Variants in TRIO observed in about 807,000 individuals in gnomAD.
TRIO encodes trio Rho guanine nucleotide exchange factor.
In TRIO, 58 loss-of-function variants were observed where a neutral mutation model predicts 351.9. The observed-to-expected ratio is 0.16, with a 90% CI of 0.13 to 0.21. The LOEUF (loss-of-function observed/expected upper bound fraction) is 0.21, where lower values mean the gene tolerates loss of function less well. Ranked by LOEUF, TRIO falls within the 10% of genes least tolerant of loss-of-function variation. The probability of loss-of-function intolerance (pLI) is 1.00; values close to 1 mark genes in which losing one functional copy is unlikely to be tolerated. For missense variants in TRIO, 3,201 were observed against 4,027.8 expected, an observed-to-expected ratio of 0.79 and a Z score of 5.56; for synonymous variants, 1,758 against 1,595.7, an observed-to-expected ratio of 1.10 and a Z score of -2.42.
At chr5:14,296,978 G>A in intron 6 of TRIO, 94 bp from the exon 7 acceptor site, 1 of 1,030,564 alleles carries the variant, frequency 9.7e-7, no homozygotes, top group Non-Finnish European at 1.4e-6. Context: ...ACTGTTAGAA[G>A]CCTGTGTTTC....
At chr5:14,453,066 CCTTT>C (rs1263635148) in intron 34 of TRIO, among the ~76,000 whole-genome samples, 1 of 152,002 alleles carries the variant, frequency 6.6e-6, no homozygotes, top group African/African-American at 2.4e-5. Context: ...TCTTTCTTTA[CCTTT>C]TTTTTCTTTT....
chr5:14,268,766 GTGTT>G (rs1459735638), intron 1 of TRIO, among the ~76,000 whole-genome samples: 2 of 152,170 alleles, frequency 1.3e-5, no homozygotes, highest in African/African-American at 4.8e-5. Flanking sequence ...TGTTTTATAG[GTGTT>G]TGTCAGCTTG....
chr5:14,197,864 A>G (rs1289590461), intron 1 of TRIO, among the ~76,000 whole-genome samples: 2 of 152,208 alleles, frequency 1.3e-5, no homozygotes, highest in Non-Finnish European at 2.9e-5. Flanking sequence ...AATCTCTTAT[A>G]CTGGACTGCA....
intron 30 of TRIO, among the ~76,000 whole-genome samples, chr5:14,399,923 C>T (rs1302584278): frequency 6.6e-6 from 1 of 152,182 alleles, no homozygotes; most frequent in Non-Finnish European, 1.5e-5. Flanking sequence ...TTCTTTACAG[C>T]AGATCTCTTA....
At chr5:14,387,077 C>T (rs1362483541) in intron 21 of TRIO, among the ~76,000 whole-genome samples, 1 of 152,258 alleles carries the variant, frequency 6.6e-6, no homozygotes, top group Non-Finnish European at 1.5e-5. Flanking sequence ...GCTGTCTTTG[C>T]TCAGCGGCTT....
At chr5:14,464,460 A>G (rs1431214084) in intron 36 of TRIO, among the ~76,000 whole-genome samples, 1 of 152,112 alleles carries the variant, frequency 6.6e-6, no homozygotes, top group East Asian at 1.9e-4. Flanking sequence ...TCTCGTGACT[A>G]ATTTTTTGTT....
At chr5:14,216,319 C>A (rs1792220748) in intron 1 of TRIO, among the ~76,000 whole-genome samples, 1 of 152,184 alleles carries the variant, frequency 6.6e-6, no homozygotes, top group Non-Finnish European at 1.5e-5. Flanking sequence ...TTGAATTTGT[C>A]TCAGAGCCAG....
chr5:14,203,956 C>T (rs1174657507), intron 1 of TRIO, among the ~76,000 whole-genome samples: 1 of 152,198 alleles, frequency 6.6e-6, no homozygotes, highest in African/African-American at 2.4e-5. Context: ...CGTTACGTTG[C>T]ACCTCAGAAG....
chr5:14,399,386 A>G, intron 30 of TRIO: 1 of 403,478 alleles, frequency 2.5e-6, no homozygotes. Flanking sequence ...TATAAATAAA[A>G]TAATCATATC....
At position 14,291,064 on chromosome 5, in the gene TRIO, T is replaced by A. The variant is rs2152285081; in HGVS notation, c.889T>A (p.Ser297Thr). The A allele has an allele frequency of 6.2e-7, 1 of 1,614,194 alleles. No individual in the cohort carries two copies. The highest frequency in any genetic ancestry group is 1.1e-5 in the South Asian group (1 of 91,082). The change falls in exon 5 of 57, where the codon TCA becomes ACA. Residue 297 changes from serine to threonine, a missense_variant. By Grantham distance (58) the Ser-to-Thr change is moderately conservative. This residue lies in a region of TRIO where 349 missense variants were observed against 449.3 expected (regional missense o/e 0.78). Coordinates refer to ENST00000344204, the MANE Select transcript of TRIO (RefSeq NM_007118.4). ...QSSESFPKKNSGSGNADLQNL... is the reference protein window; with the variant it reads ...QSSESFPKKNTGSGNADLQNL... ...CAGTGAAAGCTTTCCCAAAAAGAACTCAGGCTCAGGCAATGCGGACCTGCA... is the reference window on the plus strand; with the variant it reads ...CAGTGAAAGCTTTCCCAAAAAGAACACAGGCTCAGGCAATGCGGACCTGCA...
At chr5:14,501,424 C>T (rs560071099) in intron 53 of TRIO, among the ~76,000 whole-genome samples, 3 of 152,324 alleles carry the variant, frequency 2.0e-5, no homozygotes, top group South Asian at 4.1e-4. Context: ...AGGCATTCTT[C>T]TGGTTTCTGG....
chr5:14,473,075 C>G (rs544732565), intron 39 of TRIO, among the ~76,000 whole-genome samples: 2 of 152,128 alleles, frequency 1.3e-5, no homozygotes, highest in Non-Finnish European at 2.9e-5. Context: ...TGAATCCACC[C>G]AGGTTCAGAG....
intron 29 of TRIO, among the ~76,000 whole-genome samples, chr5:14,398,660 G>A (rs918940131): frequency 2.0e-5 from 3 of 152,176 alleles, no homozygotes; most frequent in African/African-American, 7.2e-5. Context: ...ATCGCAAAAT[G>A]TTTTTGAACA....
intron 27 of TRIO, among the ~76,000 whole-genome samples, chr5:14,393,337 A>C (rs1747276647): frequency 6.6e-6 from 1 of 152,202 alleles, no homozygotes; most frequent in South Asian, 2.1e-4. Flanking sequence ...GCACATGTAC[A>C]CCTGTGTAAG....
At chr5:14,392,333 C>T (rs756757342) in intron 27 of TRIO, among the ~76,000 whole-genome samples, 3 of 151,878 alleles carry the variant, frequency 2.0e-5, no homozygotes, top group Non-Finnish European at 2.9e-5. Flanking sequence ...ATATGAAAAA[C>T]TCATCATCAC....
chr5:14,485,089 G>T lies in TRIO; in HGVS notation c.6678G>T (p.Glu2226Asp). 1 of 1,542,956 alleles carries T rather than the reference G, an allele frequency of 6.5e-7. No homozygotes were observed. Among genetic ancestry groups the T allele is most frequent in the Non-Finnish European group, 8.8e-7 (1 of 1,138,278 alleles). Residue 2226 changes from glutamate to aspartate, a missense_variant, in exon 47 of 57, where the codon GAG (glutamate) becomes GAT (aspartate). Around this residue, in one of 19 missense-constraint regions of TRIO, gnomAD observed 1,089 missense variants for 954.9 expected, o/e 1.14. Transcript: ENST00000344204. ...NSIKVSCLCL[E>D]ENVENDPCKF... is the part of the protein sequence containing the mutation. The stretch of plus-strand genomic sequence containing the variant: ...TTAAGGTGAGTTGCCTTTGCCTGGA[G>T]GAAAATGTGGAAAATGATCCCTGTA...
At chr5:14,271,046 T>G (rs1056243482) in intron 2 of TRIO, 147 bp downstream of exon 2, 2 of 642,484 alleles carry the variant, frequency 3.1e-6, no homozygotes, top group Non-Finnish European at 2.7e-6. Context: ...TAGCACTGTT[T>G]CTGAGAAATT....
intron 1 of TRIO, among the ~76,000 whole-genome samples, chr5:14,242,399 C>G (rs944965778): frequency 1.3e-5 from 2 of 152,206 alleles, no homozygotes; most frequent in African/African-American, 4.8e-5. Flanking sequence ...CAATCTTATA[C>G]AAATCAGGGC....
chr5:14,159,782 G>A lies in TRIO; in HGVS notation c.157+15900G>A, dbSNP rs566077957. ...GGGTTTTACCATGTTTGCCAGGATGGTCTCCATCTCTTGACTTCCTGATCT... is the reference window on the plus strand; with the variant it reads ...GGGTTTTACCATGTTTGCCAGGATGATCTCCATCTCTTGACTTCCTGATCT... On this transcript the variant is annotated intron_variant, in intron 1 of 56. Transcript: ENST00000344204. 3.9e-5 allele frequency among the ~76,000 whole-genome samples: 6 copies of A among 152,148 alleles called. No individual in the cohort carries two copies. The East Asian group carries it at 9.7e-4, about 24-fold the overall frequency.
Sources: gnomAD v4.1 joint callset for allele counts (sites outside exome capture counted in the v4.1 genomes callset) on GRCh38, gnomAD v4.1.1 for gene constraint, gnomAD v4.1.1 regional missense constraint, MANE v1.5 for transcripts, NCBI Gene and HGNC (gene_info 2026-07-23, HGNC 2026-07-21) for gene names.